Variants in ABCB4 observed in about 807,000 individuals in gnomAD.
ABCB4 encodes ATP binding cassette subfamily B member 4.
ABCB4 carries 76 observed loss-of-function variants against 145.7 expected under a neutral mutation model. The observed-to-expected ratio is 0.52, with a 90% CI of 0.43 to 0.63. The LOEUF is 0.63. ABCB4 is among the 30% of genes least tolerant of loss of function. The pLI, the probability that ABCB4 is intolerant of heterozygous loss-of-function variation, is 0.00. For missense variants in ABCB4, 1,234 were observed against 1,553.1 expected (o/e 0.79, Z 3.45); for synonymous variants, 517 against 566.8 (o/e 0.91, Z 1.25).
chr7:87,383,534 C>T, the ABCB4 span, among the ~76,000 whole-genome samples: 9 of 147,322 alleles, frequency 6.1e-5, no homozygotes, highest in African/African-American at 2.0e-4. Flanking sequence ...CTTGCTCTGT[C>T]GCCCAGGTTG....
chr7:87,415,796 CAATT>C (rs1257156605), intron 21 of ABCB4, among the ~76,000 whole-genome samples: 2 of 152,164 alleles, frequency 1.3e-5, no homozygotes, highest in African/African-American at 4.8e-5. Context: ...AAAATTCTAA[CAATT>C]AATGGAGCTA....
chr7:87,443,224 G>A (rs1310889539), intron 12 of ABCB4, 95 bp downstream of exon 12: 2 of 1,525,656 alleles, frequency 1.3e-6, no homozygotes, highest in South Asian at 1.1e-5. Flanking sequence ...TACCAAAACT[G>A]GATTCACACG....
At chr7:87,416,104 C>G (rs1423752457) in intron 21 of ABCB4, among the ~76,000 whole-genome samples, 2 of 152,144 alleles carry the variant, frequency 1.3e-5, no homozygotes, top group Non-Finnish European at 2.9e-5. Flanking sequence ...CTAGCAAGCT[C>G]CAAGTCTTGG....
intron 6 of ABCB4, chr7:87,452,306 T>C (rs1013123934): frequency 1.2e-4 from 22 of 184,094 alleles, no homozygotes; most frequent in Admixed American, 1.1e-3. Context: ...GCGGCTGCCA[T>C]TTCACTGGGT....
chr7:87,398,729 A>G, downstream of ABCB4: 1 of 1,295,632 alleles, frequency 7.7e-7, no homozygotes, highest in Non-Finnish European at 1.1e-6. Context: ...ATGGGAAGGA[A>G]TGTTGACTTG....
chr7:87,396,101 T>C, the ABCB4 span, among the ~76,000 whole-genome samples: 3 of 152,154 alleles, frequency 2.0e-5, no homozygotes, highest in South Asian at 6.2e-4. Flanking sequence ...ATTGTCGATA[T>C]GGCAAAAAAA....
At chr7:87,417,675 G>T (rs1448310989) in intron 20 of ABCB4, among the ~76,000 whole-genome samples, 160 bp from the exon 21 acceptor site, 1 of 152,150 alleles carries the variant, frequency 6.6e-6, no homozygotes, top group Non-Finnish European at 1.5e-5. Context: ...TAACTCATGA[G>T]GCTCTGCAGA....
At chr7:87,451,218 C>T (rs754180258) in intron 7 of ABCB4, among the ~76,000 whole-genome samples, 56 of 151,678 alleles carry the variant, frequency 3.7e-4, no homozygotes, top group Non-Finnish European at 6.5e-4. Context: ...TCACTGCGAC[C>T]TCCACCTCCT....
chr7:87,443,615 C>A (rs1296544650), intron 11 of ABCB4, 48 bp downstream of exon 11: 1 of 1,567,576 alleles, frequency 6.4e-7, no homozygotes, highest in Admixed American at 1.7e-5. Flanking sequence ...TAAAATGATT[C>A]AACAATCAAC....
intron 13 of ABCB4, 127 bp downstream of exon 13, chr7:87,440,072 G>A: frequency 8.3e-7 from 1 of 1,204,910 alleles, no homozygotes; most frequent in Non-Finnish European, 1.2e-6. Flanking sequence ...GTCATTCAGG[G>A]GACTTATCTA....
the ABCB4 span, among the ~76,000 whole-genome samples, chr7:87,379,617 G>A: frequency 6.6e-6 from 1 of 152,180 alleles, no homozygotes; most frequent in Non-Finnish European, 1.5e-5. Flanking sequence ...CTCATAATGA[G>A]CATATCTCTC....
intron 21 of ABCB4, among the ~76,000 whole-genome samples, chr7:87,415,767 C>T (rs1808928737): frequency 1.3e-5 from 2 of 152,202 alleles, no homozygotes; most frequent in Admixed American, 1.3e-4. Flanking sequence ...CTGCTCAATT[C>T]TACCTGCTCT....
chr7:87,462,672 G>T (rs1455173516), intron 4 of ABCB4, 86 bp downstream of exon 4: 5 of 1,219,782 alleles, frequency 4.1e-6, no homozygotes, highest in Non-Finnish European at 6.1e-6. Flanking sequence ...TAAATAAGAT[G>T]GTAATGAATA....
chr7:87,465,147 G>A (rs1160996592), intron 3 of ABCB4, among the ~76,000 whole-genome samples: 1 of 152,156 alleles, frequency 6.6e-6, no homozygotes, highest in Non-Finnish European at 1.5e-5. Context: ...TGTGACAGAC[G>A]GCACCTGGAA....
intron 22 of ABCB4, among the ~76,000 whole-genome samples, chr7:87,413,159 G>T (rs918064812): frequency 3.9e-5 from 6 of 152,216 alleles, no homozygotes; most frequent in African/African-American, 1.4e-4. Flanking sequence ...GAAATAGTCT[G>T]TGTTTCTTTA....
intron 23 of ABCB4, among the ~76,000 whole-genome samples, chr7:87,410,640 G>T (rs1226068177): frequency 1.3e-5 from 2 of 152,162 alleles, no homozygotes. Flanking sequence ...ATCCCCAGCT[G>T]CTAGTTCCAT....
the ABCB4 span, among the ~76,000 whole-genome samples, chr7:87,390,700 T>G: frequency 6.6e-6 from 1 of 152,192 alleles, no homozygotes; most frequent in Non-Finnish European, 1.5e-5. Context: ...AAAACAGATA[T>G]CACCCTGGGG....
At chr7:87,382,468 C>T in the ABCB4 span, 3 of 1,613,900 alleles carry the variant, frequency 1.9e-6, no homozygotes, top group South Asian at 2.2e-5. Context: ...AAAAAGCTAA[C>T]CAAGAACAAG....
chr7:87,475,250 G>A, intron 2 of ABCB4, 136 bp downstream of exon 2: 1 of 1,002,268 alleles, frequency 1.0e-6, no homozygotes, highest in South Asian at 1.3e-5. Context: ...AGAACCGGAT[G>A]CAAGACCCTT....
Sources: allele counts gnomAD v4.1 joint callset (sites outside exome capture counted in the v4.1 genomes callset), GRCh38; gene constraint gnomAD v4.1.1; transcripts MANE v1.5; gene names NCBI Gene and HGNC (gene_info 2026-07-23, HGNC 2026-07-21).